The following FCGR3B variants were observed in gnomAD, a reference collection of about 807,000 sequenced individuals.
The protein encoded by FCGR3B is low affinity immunoglobulin gamma Fc region receptor III-B.
FCGR3B carries 20 observed loss-of-function variants against 26.7 expected under a neutral mutation model. The observed-to-expected ratio is 0.75, with a 90% confidence interval of 0.53 to 1.09. The LOEUF (loss-of-function observed/expected upper bound fraction) is 1.09. Among genes scored for constraint, FCGR3B ranks in the 50% least tolerant of loss-of-function variants. FCGR3B has a pLI of 0.00. For missense variants in FCGR3B, 191 were observed against 279.7 expected (o/e 0.68, Z 2.26); for synonymous variants, 79 against 107.0 (o/e 0.74, Z 1.62).
Position 161,624,265 on chromosome 1 carries a change from T to G in FCGR3B, c.*250A>C, listed in dbSNP as rs1679347442. 2.2e-6 allele frequency: 1 copy of G among 461,736 alleles called. No individual in the cohort carries two copies. Among genetic ancestry groups the G allele is most frequent in the Non-Finnish European group, 3.9e-6 (1 of 254,234 alleles). 28.6% of individuals were successfully genotyped at this position (461,736 alleles called of 1,614,324 possible). A position where few individuals can be genotyped will look rare whatever the true frequency, so the allele number is the denominator to read the frequency against. On this transcript the variant is annotated 3_prime_UTR_variant, in exon 5 of 5. Transcript: ENST00000650385. ...AGCTACTCACTGGGGCTTCCCTGCT[T>G]GAAGATCATGGGCTTTTCCCTTCCA...
intron 3 of FCGR3B, among the ~76,000 whole-genome samples, chr1:161,626,974 A>T (rs1679497109): frequency 6.7e-6 from 1 of 149,988 alleles, no homozygotes; most frequent in African/African-American, 2.5e-5. Flanking sequence ...GGTAGTGCTC[A>T]GAGTGGCAAT....
chr1:161,625,956 T>G lies in FCGR3B; in HGVS notation c.577+189A>C, dbSNP rs370778470. 7.3e-3 allele frequency among the ~76,000 whole-genome samples: 1,065 copies of G among 146,630 alleles called. 36 individuals are homozygous for G. Among genetic ancestry groups the G allele is most frequent in the Non-Finnish European group, 0.013 (838 of 66,588 alleles). ...TCCTAGCTACCCCAAAAGAATGGAC[T>G]GAAACAGAGCTGCAAACCTACCCTG... On this transcript the variant is annotated intron_variant, in intron 4 of 4. Coordinates refer to ENST00000650385, the MANE Select transcript of FCGR3B (RefSeq NM_001244753.2).
chr1:161,626,257 A>G lies in FCGR3B; in HGVS notation c.465T>C (p.Ser155=). 6.2e-7 allele frequency: 1 copy of G among 1,608,788 alleles called. No individual in the cohort carries two copies. Among genetic ancestry groups the G allele is most frequent in the Middle Eastern group, 1.7e-4 (1 of 6,034 alleles). The change falls in exon 4 of 5, where the codon TCT becomes TCC. Residue 155 remains serine, a synonymous_variant. Transcript: ENST00000650385. ...GTGTGGCTTTTGGAATGTGGAAGTC[A>G]GAATTATGATGAAAATACTTCCTGT... ...GKDRKYFHHN[S]DFHIPKATLK... is the part of the protein sequence containing the mutation.
At chr1:161,627,936 G>C (rs2102591393) in intron 3 of FCGR3B, among the ~76,000 whole-genome samples, 1 of 150,210 alleles carries the variant, frequency 6.7e-6, no homozygotes, top group South Asian at 2.1e-4. Context: ...ATAAAGGACT[G>C]CGGGGCCGAC....
intron 4 of FCGR3B, 101 bp downstream of exon 4, chr1:161,626,044 C>T (rs765981573): frequency 1.4e-5 from 20 of 1,379,690 alleles, no homozygotes; most frequent in South Asian, 6.8e-5. Flanking sequence ...TGAAGAAGTG[C>T]GTGTAAGAAT....
chr1:161,626,212 G>T lies in FCGR3B; in HGVS notation c.510C>A (p.Tyr170Ter), dbSNP rs1355885429. 2.5e-6 allele frequency: 4 copies of T among 1,608,812 alleles called. No individual in the cohort carries two copies. Among genetic ancestry groups the T allele is most frequent in the African/African-American group, 1.4e-5 (1 of 73,588 alleles). ...TACTCCCAACAAGCCCCCTGCAGAA[G>T]TAGGAGCCGCTATCTTTGAGTGTGG... ...PKATLKDSGS[Y>*]FCRGLVGSKN... Residue 170 changes from tyrosine to a stop codon, truncating the protein, a stop_gained, in exon 4 of 5, where the codon TAC (tyrosine) becomes TAA (stop). Coordinates refer to ENST00000650385, the MANE Select transcript of FCGR3B (RefSeq NM_001244753.2). LOFTEE classifies it high-confidence loss of function.
At chr1:161,631,198 C>T, upstream of FCGR3B, 2 of 1,595,730 alleles carry the variant, frequency 1.3e-6, no homozygotes, top group South Asian at 1.1e-5. Flanking sequence ...AGTCCCTCCA[C>T]CCATCTCTGT....
In FCGR3B at chr1:161,624,449, G is replaced by C. The variant is rs1459541703; in HGVS notation, c.*66C>G. ...TGCTCTTATTACCCCCATGGGATGG[G>C]GGTCATGTGTCTTGAGGGTCCTTTC... On this transcript the variant is annotated 3_prime_UTR_variant, in exon 5 of 5. Coordinates refer to ENST00000650385, the MANE Select transcript of FCGR3B (RefSeq NM_001244753.2). The C allele has an allele frequency of 1.9e-6, 3 of 1,540,230 alleles. No homozygotes were observed. The highest frequency in any genetic ancestry group is 1.2e-5 in the South Asian group (1 of 85,940).
Position 161,626,314 on chromosome 1 carries a change from C to G in FCGR3B, c.408G>C (p.Leu136=), listed in dbSNP as rs1163824697. Residue 136 remains leucine (L), a synonymous_variant, in exon 4 of 5, where the codon CTG becomes CTC. Coordinates refer to ENST00000650385, the MANE Select transcript of FCGR3B (RefSeq NM_001244753.2). Reference sequence around the variant, plus strand: ...CATTCTGTAAATATGTGACCTTATGCAGAGCAGTGTTCTTCCAGCTGTGAC... The same window carrying G: ...CATTCTGTAAATATGTGACCTTATGGAGAGCAGTGTTCTTCCAGCTGTGAC... ...LRCHSWKNTA[L]HKVTYLQNGK... is the part of the protein sequence containing the mutation. 38 of 1,609,052 alleles carry G rather than the reference C, an allele frequency of 2.4e-5. No homozygotes were observed. The highest frequency in any genetic ancestry group is 3.1e-5 in the Non-Finnish European group (37 of 1,177,828).
chr1:161,631,629 A>T (rs1679755692), upstream of FCGR3B, among the ~76,000 whole-genome samples: 1 of 128,282 alleles, frequency 7.8e-6, no homozygotes, highest in African/African-American at 2.9e-5. Flanking sequence ...ATCTTTGACC[A>T]CTAGCAGTGT....
At chr1:161,627,508 G>A (rs551183016) in intron 3 of FCGR3B, among the ~76,000 whole-genome samples, 14 of 150,608 alleles carry the variant, frequency 9.3e-5, no homozygotes, top group Non-Finnish European at 2.1e-4. Flanking sequence ...TTGGTAGGAC[G>A]TGTGTTGGTC....
At position 161,631,157 on chromosome 1, in the gene FCGR3B, C is replaced by T. The variant is rs576079899; in HGVS notation, c.-63G>A. On this transcript the variant is annotated 5_prime_UTR_variant, in exon 1 of 5. Coordinates refer to ENST00000650385, the MANE Select transcript of FCGR3B (RefSeq NM_001244753.2). ...CGGAGCCCTAAAGGGACCAAGCCGA[C>T]TAGACAGGAGGGAGTAAACAGCCTT... The T allele has an allele frequency of 5.0e-6, 8 of 1,607,738 alleles. No homozygotes were observed. In the South Asian group the frequency reaches 7.8e-5, roughly 16 times the overall value.
At chr1:161,627,334 A>G (rs543438691) in intron 3 of FCGR3B, among the ~76,000 whole-genome samples, 3,387 of 150,266 alleles carry the variant, frequency 0.023, 315 homozygotes, top group African/African-American at 0.08. Flanking sequence ...GAGTGGGACC[A>G]AAGGACATTT....
At chr1:161,628,268 G>T (rs1679573794) in intron 3 of FCGR3B, among the ~76,000 whole-genome samples, 1 of 149,858 alleles carries the variant, frequency 6.7e-6, no homozygotes, top group Non-Finnish European at 1.5e-5. Flanking sequence ...GAGAAACTCT[G>T]TCTCAAAAAC....
chr1:161,630,078 C>A, intron 2 of FCGR3B, 43 bp from the exon 3 acceptor site: 2 of 1,406,026 alleles, frequency 1.4e-6, no homozygotes, highest in East Asian at 3.0e-5. Flanking sequence ...GGGAGAGGAG[C>A]AGGCTCTACA....
rs185228582 is a variant in FCGR3B at position 161,624,322 on chromosome 1, A to G, written c.*193T>C. On this transcript the variant is annotated 3_prime_UTR_variant, in exon 5 of 5. Transcript: ENST00000650385. ...ACCAAGGAAAAATCGAGAGTTGGATAAAGGATCTGGCTCTGAGTTCTATGT... is the reference window on the plus strand; with the variant it reads ...ACCAAGGAAAAATCGAGAGTTGGATGAAGGATCTGGCTCTGAGTTCTATGT... 16 of 684,404 alleles carry G rather than the reference A, an allele frequency of 2.3e-5. No homozygotes were observed. In the African/African-American group the frequency reaches 2.8e-4, roughly 12 times the overall value. The allele number at this position is 684,404 out of a possible 1,614,324, so 42.4% of individuals were successfully genotyped here. A position where few individuals can be genotyped will look rare whatever the true frequency, so the allele number is the denominator to read the frequency against.
intron 3 of FCGR3B, among the ~76,000 whole-genome samples, chr1:161,628,329 G>A (rs1038255983): frequency 1.3e-5 from 2 of 149,730 alleles, no homozygotes; most frequent in Non-Finnish European, 3.0e-5. Flanking sequence ...CTTCTCAGAG[G>A]AGGACATAAG....
chr1:161,630,960 C>A, intron 1 of FCGR3B, 95 bp downstream of exon 1: 1 of 1,498,786 alleles, frequency 6.7e-7, no homozygotes, highest in Middle Eastern at 2.5e-4. Context: ...GGGTCCCATC[C>A]CTTTGTGGGA....
chr1:161,631,732 A>T (rs1321992947), upstream of FCGR3B, among the ~76,000 whole-genome samples: 6 of 135,450 alleles, frequency 4.4e-5, no homozygotes, highest in Non-Finnish European at 9.5e-5. Context: ...ACAGGAGCTG[A>T]CTTTTTAGTG....
Sources: gnomAD v4.1 joint callset for allele counts (sites outside exome capture counted in the v4.1 genomes callset) on GRCh38, gnomAD v4.1.1 for gene constraint, MANE v1.5 for transcripts, NCBI Gene and HGNC (gene_info 2026-07-23, HGNC 2026-07-21) for gene names.